The following NAP1L1 variants were observed in gnomAD, a reference collection of about 807,000 sequenced individuals.
The protein encoded by NAP1L1 is nucleosome assembly protein 1 like 1, also known as nucleosome assembly protein 1-like 1.
NAP1L1 carries 9 observed loss-of-function variants against 58.9 expected under a neutral mutation model. The observed-to-expected ratio is 0.15, with a 90% CI of 0.09 to 0.27. The LOEUF is 0.27. Among genes scored for constraint, NAP1L1 ranks in the 10% least tolerant of loss-of-function variants. NAP1L1 has a pLI of 1.00. For missense variants in NAP1L1, 302 were observed against 458.8 expected (o/e 0.66, Z 3.12); for synonymous variants, 130 against 138.3 (o/e 0.94, Z 0.42).
intron 8 of NAP1L1, among the ~76,000 whole-genome samples, 172 bp downstream of exon 8, chr12:76,054,847 G>C (rs1270985939): frequency 1.3e-5 from 2 of 152,180 alleles, no homozygotes. Flanking sequence ...CACAATTTAT[G>C]ATCAGAAGGA....
intron 1 of NAP1L1, among the ~76,000 whole-genome samples, chr12:76,080,441 C>A (rs1054084503): frequency 6.6e-6 from 1 of 152,182 alleles, no homozygotes; most frequent in Non-Finnish European, 1.5e-5. Context: ...AACATAGCAA[C>A]ATGCTATACA....
Position 76,074,255 on chromosome 12 carries a change from T to C in NAP1L1, c.-20-16A>G. Reference sequence around the variant, plus strand: ...CTCCAAATATCTATGGAGAGAAACATCAATGTTAAAAAAAAAGTATATGAT... The same window carrying C: ...CTCCAAATATCTATGGAGAGAAACACCAATGTTAAAAAAAAAGTATATGAT... On this transcript the variant is annotated splice_polypyrimidine_tract_variant and intron_variant, in intron 1 of 14. Transcript: ENST00000618691. The C allele has an allele frequency of 6.4e-7, 1 of 1,560,004 alleles. No individual in the cohort carries two copies. The highest frequency in any genetic ancestry group is 8.6e-7 in the Non-Finnish European group (1 of 1,159,842).
chr12:76,074,430 A>G lies in NAP1L1; in HGVS notation c.-20-191T>C, dbSNP rs554470806. ...AAATTCTTCCTTACTAGTACCAAAA[A>G]TAATTTTTCAGAGGATATTACTTAA... On this transcript the variant is annotated intron_variant, in intron 1 of 14. Coordinates refer to ENST00000618691, the MANE Select transcript of NAP1L1 (RefSeq NM_004537.7). The G allele has an allele frequency of 8.9e-5, 79 of 891,242 alleles. No individual in the cohort carries two copies. In the South Asian group the frequency reaches 3.6e-3, roughly 40 times the overall value. 55.2% of individuals were successfully genotyped at this position (891,242 alleles called of 1,614,324 possible).
intron 1 of NAP1L1, among the ~76,000 whole-genome samples, chr12:76,077,382 A>G (rs1487896205): frequency 6.6e-6 from 1 of 152,146 alleles, no homozygotes; most frequent in Non-Finnish European, 1.5e-5. Flanking sequence ...GTAGCAATCT[A>G]CAAACTAAGA....
In NAP1L1 at chr12:76,055,026, T is replaced by A; in HGVS notation, c.623A>T (p.Gln208Leu). ...ATTTCAAAGTTCTTTTACCATAGGC[T>A]GGCCAGCATCTGAGAACTTCACTTT... ...DIKVKFSDAGQPMSFVLEFHF... is the reference protein window; with the variant it reads ...DIKVKFSDAGLPMSFVLEFHF... Residue 208 changes from glutamine (Q) to leucine (L), a missense_variant, in exon 8 of 15, where the codon CAG (glutamine) becomes CTG (leucine). Physicochemically the swap from Gln to Leu is moderately radical, Grantham distance 113. Transcript: ENST00000618691. 6.2e-7 allele frequency: 1 copy of A among 1,605,060 alleles called. No individual in the cohort carries two copies. The highest frequency in any genetic ancestry group is 2.2e-5 in the East Asian group (1 of 44,638).
In NAP1L1 at chr12:76,049,246, C is replaced by T; in HGVS notation, c.1094G>A (p.Gly365Glu). 6.2e-7 allele frequency: 1 copy of T among 1,613,508 alleles called. No individual in the cohort carries two copies. The highest frequency in any genetic ancestry group is 8.5e-7 in the Non-Finnish European group (1 of 1,179,752). The change falls in exon 14 of 15, where the codon GGG becomes GAG. Residue 365 changes from glycine (G) to glutamate (E), a missense_variant. By Grantham distance (98) the Gly-to-Glu change is moderately conservative. Coordinates refer to ENST00000618691, the MANE Select transcript of NAP1L1 (RefSeq NM_004537.7). ...DEEGEEADEEGEEEGDEENDP... is the reference protein window; with the variant it reads ...DEEGEEADEEEEEEGDEENDP... ...ATTTTCCTCATCTCCTTCTTCTTCCCCTTCCTATATTAAAGTTCAAAATGC... is the reference window on the plus strand; with the variant it reads ...ATTTTCCTCATCTCCTTCTTCTTCCTCTTCCTATATTAAAGTTCAAAATGC...
At chr12:76,079,971 GCCA>G (rs1487014408) in intron 1 of NAP1L1, among the ~76,000 whole-genome samples, 1 of 152,166 alleles carries the variant, frequency 6.6e-6, no homozygotes, top group East Asian at 1.9e-4. Context: ...ACAGGTGTGA[GCCA>G]CCACACCTGG....
Position 76,049,804 on chromosome 12 carries a change from GT to G in NAP1L1, c.1060-20del. 1 of 1,612,192 alleles carries G rather than the reference GT, an allele frequency of 6.2e-7. No homozygotes were observed. The highest frequency in any genetic ancestry group is 1.1e-5 in the South Asian group (1 of 90,900). ...CATCATACTGAAAAGGAAAAACAGC[GT>G]TAAGTGTTGAGTGAATGTAACACAC... On this transcript the variant is annotated intron_variant, in intron 12 of 14. Coordinates refer to ENST00000618691, the MANE Select transcript of NAP1L1 (RefSeq NM_004537.7).
chr12:76,050,131 A>G (rs1287162363), intron 12 of NAP1L1, among the ~76,000 whole-genome samples: 1 of 152,186 alleles, frequency 6.6e-6, no homozygotes, highest in African/African-American at 2.4e-5. Flanking sequence ...TATTCAAAAC[A>G]TCTATATGCA....
intron 1 of NAP1L1, among the ~76,000 whole-genome samples, chr12:76,079,266 CTA>C (rs1950309754): frequency 6.6e-6 from 1 of 152,150 alleles, no homozygotes; most frequent in Admixed American, 6.5e-5. Context: ...TAGCTCACGT[CTA>C]TAGTCTCAGC....
intron 2 of NAP1L1, 103 bp from the exon 3 acceptor site, chr12:76,069,097 G>A: frequency 1.3e-6 from 1 of 793,052 alleles, no homozygotes; most frequent in Non-Finnish European, 2.1e-6. Context: ...CTCTTTCAAA[G>A]ACATGAAATA....
At chr12:76,049,443 A>C (rs1358864125) in intron 13 of NAP1L1, 193 bp from the exon 14 acceptor site, 1 of 1,535,594 alleles carries the variant, frequency 6.5e-7, no homozygotes, top group Non-Finnish European at 8.7e-7. Context: ...AGACATCCAG[A>C]CAGCTTTTAT....
intron 8 of NAP1L1, among the ~76,000 whole-genome samples, chr12:76,054,470 C>T (rs771197878): frequency 6.6e-6 from 1 of 152,196 alleles, no homozygotes; most frequent in Non-Finnish European, 1.5e-5. Flanking sequence ...AAATAATTAA[C>T]ATGTTTACAC....
chr12:76,061,805 T>C (rs138326695), intron 4 of NAP1L1, among the ~76,000 whole-genome samples: 1 of 152,356 alleles, frequency 6.6e-6, no homozygotes, highest in East Asian at 1.9e-4. Context: ...CTTGAAGATA[T>C]CAACTTTCTA....
chr12:76,053,625 C>T lies in NAP1L1; in HGVS notation c.770+145G>A, dbSNP rs529279360. ...TGGGTCCAAGGAGAATTACAGGAAA[C>T]TTGATAAGCACTTTTCAGAAAACAT... is the stretch of plus-strand genomic sequence containing the variant. On this transcript the variant is annotated intron_variant, in intron 9 of 14. Coordinates refer to ENST00000618691, the MANE Select transcript of NAP1L1 (RefSeq NM_004537.7). The T allele has an allele frequency of 4.0e-5, 42 of 1,048,860 alleles. 1 individual carries two copies. In the South Asian group the frequency reaches 5.3e-4, roughly 13 times the overall value. The allele number at this position is 1,048,860 out of a possible 1,614,324, so 65.0% of individuals were successfully genotyped here. A position where few individuals can be genotyped will look rare whatever the true frequency, so the allele number is the denominator to read the frequency against.
chr12:76,067,942 T>C (rs1425433527), intron 3 of NAP1L1, among the ~76,000 whole-genome samples: 2 of 152,220 alleles, frequency 1.3e-5, no homozygotes, highest in African/African-American at 4.8e-5. Flanking sequence ...TGTATTTCTA[T>C]GTGTATGAAT....
At chr12:76,052,077 A>G (rs1356256311) in intron 11 of NAP1L1, among the ~76,000 whole-genome samples, 1 of 152,094 alleles carries the variant, frequency 6.6e-6, no homozygotes, top group African/African-American at 2.4e-5. Context: ...CAATGATACA[A>G]GTTCTATGAT....
intron 11 of NAP1L1, among the ~76,000 whole-genome samples, chr12:76,051,352 A>G (rs1948818782): frequency 2.0e-5 from 3 of 151,948 alleles, no homozygotes; most frequent in Admixed American, 2.0e-4. Flanking sequence ...CCCTTGGGTT[A>G]TTGTTAATAT....
In NAP1L1 at chr12:76,040,816, G is replaced by A. The variant is rs1220472801; in HGVS notation, c.*7613C>T. On this transcript the variant is annotated 3_prime_UTR_variant, in exon 15 of 15. Coordinates refer to ENST00000618691, the MANE Select transcript of NAP1L1 (RefSeq NM_004537.7). ...AACCTCAAGTCACTGGCCCGCCTCA[G>A]CCTCCCAAAGTGTTGGGATTACAGG... 6.6e-6 allele frequency: 1 copy of A among 152,214 alleles called. No individual in the cohort carries two copies. The highest frequency in any genetic ancestry group is 1.5e-5 in the Non-Finnish European group (1 of 68,042). The allele number at this position is 152,214 out of a possible 1,614,324, so 9.4% of individuals were successfully genotyped here.
Sources: allele counts gnomAD v4.1 joint callset (sites outside exome capture counted in the v4.1 genomes callset), GRCh38; gene constraint gnomAD v4.1.1; transcripts MANE v1.5; gene names NCBI Gene and HGNC (gene_info 2026-07-23, HGNC 2026-07-21).